TSPAN9: variants seen among roughly 807,000 people sequenced by gnomAD.
TSPAN9 encodes tetraspanin 9.
TSPAN9 carries 16 observed loss-of-function variants against 31.0 expected under a neutral mutation model. The observed-to-expected ratio is 0.52, with a 90% confidence interval of 0.35 to 0.78. The LOEUF is 0.78. TSPAN9 is among the 30% of genes least tolerant of loss of function. TSPAN9 has a pLI of 0.01. For synonymous variants in TSPAN9, 145 were observed against 121.6 expected, an observed-to-expected ratio of 1.19 and a Z score of -1.27; for missense variants, 272 against 312.5, an observed-to-expected ratio of 0.87 and a Z score of 0.98.
intron 2 of TSPAN9, among the ~76,000 whole-genome samples, chr12:3,157,457 A>G (rs1053092862): frequency 6.6e-6 from 1 of 152,172 alleles, no homozygotes; most frequent in Non-Finnish European, 1.5e-5. Context: ...TGTGGGTTCA[A>G]GCTTAGCCCT....
At chr12:3,233,195 C>G (rs2098391696) in intron 3 of TSPAN9, among the ~76,000 whole-genome samples, 1 of 152,024 alleles carries the variant, frequency 6.6e-6, no homozygotes, top group African/African-American at 2.4e-5. Context: ...TTGAAGCTAC[C>G]AAAGCTTGAA....
chr12:3,174,996 T>G (rs541848704), intron 2 of TSPAN9, among the ~76,000 whole-genome samples: 1 of 152,266 alleles, frequency 6.6e-6, no homozygotes, highest in Admixed American at 6.5e-5. Flanking sequence ...TTCTTCCTTA[T>G]TTTCTGAGGA....
intron 2 of TSPAN9, among the ~76,000 whole-genome samples, chr12:3,166,487 A>G (rs1004258225): frequency 6.6e-6 from 1 of 152,236 alleles, no homozygotes; most frequent in African/African-American, 2.4e-5. Context: ...ATACATATAG[A>G]TGATCAGTGA....
At chr12:3,116,148 ATGTCCC>A (rs2098322252) in intron 2 of TSPAN9, among the ~76,000 whole-genome samples, 1 of 152,208 alleles carries the variant, frequency 6.6e-6, no homozygotes. Context: ...CCTGCTAGTG[ATGTCCC>A]TGTTGCATTT....
intron 3 of TSPAN9, among the ~76,000 whole-genome samples, chr12:3,276,214 C>G (rs2153980552): frequency 6.6e-6 from 1 of 152,358 alleles, no homozygotes; most frequent in South Asian, 2.1e-4. Flanking sequence ...CCCAGTTGCT[C>G]TCCTGGCCTC....
At chr12:3,129,016 A>G (rs2098328596) in intron 2 of TSPAN9, among the ~76,000 whole-genome samples, 1 of 152,214 alleles carries the variant, frequency 6.6e-6, no homozygotes, top group African/African-American at 2.4e-5. Context: ...GGAATCATGC[A>G]ATATTGAACC....
At chr12:3,088,501 C>T (rs962778654) in intron 2 of TSPAN9, among the ~76,000 whole-genome samples, 10 of 152,104 alleles carry the variant, frequency 6.6e-5, no homozygotes, top group East Asian at 1.9e-4. Context: ...AGGCTGTGGC[C>T]GGCAGAGAGG....
rs899587621 is a variant in TSPAN9 at position 3,170,351 on chromosome 12, G to A, written c.-17-30826G>A. On this transcript the variant is annotated intron_variant, in intron 2 of 8. Transcript: ENST00000011898. The surrounding 1 kb of genome is among the most constrained non-coding windows in gnomAD (Gnocchi z 4.4). ...TTATACCTATAGCCCAAACTCCTGC[G>A]TTGGACACACCAATCTACGGCTAGC... 1.3e-5 allele frequency among the ~76,000 whole-genome samples: 2 copies of A among 152,092 alleles called. No individual in the cohort carries two copies. Among genetic ancestry groups the A allele is most frequent in the Non-Finnish European group, 2.9e-5 (2 of 68,032 alleles).
Position 3,168,213 on chromosome 12 carries a change from C to T in TSPAN9, c.-17-32964C>T, listed in dbSNP as rs2098349659. Among the ~76,000 whole-genome samples the T allele has an allele frequency of 6.6e-6, 1 of 152,208 alleles. No individual in the cohort carries two copies. Among genetic ancestry groups the T allele is most frequent in the African/African-American group, 2.4e-5 (1 of 41,450 alleles). ...GGCAGAGAATCATTCGCTCTTTTCT[C>T]TATCATGGGAAAAATCTTCATCCCT... On this transcript the variant is annotated intron_variant, in intron 2 of 8. Coordinates refer to ENST00000011898, the MANE Select transcript of TSPAN9 (RefSeq NM_006675.5). The surrounding 1 kb of genome is among the most constrained non-coding windows in gnomAD (Gnocchi z 4.0).
chr12:3,131,125 T>TG (rs1275907343), intron 2 of TSPAN9, among the ~76,000 whole-genome samples: 1 of 91,636 alleles, frequency 1.1e-5, no homozygotes, highest in Non-Finnish European at 2.6e-5. Context: ...TCTCCACTTT[T>TG]GGGGAAAAAA....
intron 3 of TSPAN9, among the ~76,000 whole-genome samples, chr12:3,244,747 G>GGTAATGGGGAGGGGAGA (rs1477815644): frequency 6.6e-6 from 1 of 152,136 alleles, no homozygotes; most frequent in Non-Finnish European, 1.5e-5. Context: ...AGGGTTTGTG[G>GGTAATGGGGAGGGGAGA]GGGCCAGAGC....
At chr12:3,155,761 C>T (rs146018559) in intron 2 of TSPAN9, among the ~76,000 whole-genome samples, 292 of 152,246 alleles carry the variant, frequency 1.9e-3, no homozygotes, top group African/African-American at 6.5e-3. Flanking sequence ...CTCCGTTTTC[C>T]CATCACGCAG....
At chr12:3,277,830 CCCAGCCAGCCGATGACTG>C (rs1862818024) in intron 3 of TSPAN9, among the ~76,000 whole-genome samples, 1 of 152,200 alleles carries the variant, frequency 6.6e-6, no homozygotes, top group South Asian at 2.1e-4. Flanking sequence ...TGGCCAGGCC[CCCAGCCAGCCGATGACTG>C]CCTCCTTTCT....
At chr12:3,252,055 G>A (rs937947123) in intron 3 of TSPAN9, among the ~76,000 whole-genome samples, 9 of 151,994 alleles carry the variant, frequency 5.9e-5, no homozygotes, top group African/African-American at 1.7e-4. Flanking sequence ...TTACTTTGTA[G>A]CTTCTAGCAC....
At chr12:3,199,183 C>T (rs544736530) in intron 2 of TSPAN9, among the ~76,000 whole-genome samples, 23 of 152,310 alleles carry the variant, frequency 1.5e-4, no homozygotes, top group African/African-American at 5.3e-4. Flanking sequence ...TCACACCCAC[C>T]GCCCCAGGTA....
rs1862982723 is a variant in TSPAN9, at chr12:3,284,824, C to A, written c.*1708C>A. On this transcript the variant is annotated 3_prime_UTR_variant, in exon 9 of 9. Transcript: ENST00000011898. The stretch of plus-strand genomic sequence containing the variant: ...TTTGTCTTGTCACCCTGGTTTCCCA[C>A]TGGGGCCAGGTCTCTTCTCCAGCCT... 6.6e-6 allele frequency: 1 copy of A among 152,328 alleles called. No individual in the cohort carries two copies. The highest frequency in any genetic ancestry group is 1.5e-5 in the Non-Finnish European group (1 of 68,108). The allele number at this position is 152,328 out of a possible 1,614,324, so 9.4% of individuals were successfully genotyped here.
chr12:3,125,224 T>A (rs35630203), intron 2 of TSPAN9, among the ~76,000 whole-genome samples: 2,905 of 151,342 alleles, frequency 0.019, 48 homozygotes, highest in Non-Finnish European at 0.03. Flanking sequence ...TTTTTTTTTT[T>A]ATGTTATGTA....
At chr12:3,272,444 C>T (rs1033973833) in intron 3 of TSPAN9, among the ~76,000 whole-genome samples, 1 of 151,348 alleles carries the variant, frequency 6.6e-6, no homozygotes, top group African/African-American at 2.4e-5. Flanking sequence ...CTGGGCCCTA[C>T]AATGGAAGAA....
intron 2 of TSPAN9, among the ~76,000 whole-genome samples, chr12:3,182,338 G>A (rs2098358918): frequency 6.6e-6 from 1 of 151,950 alleles, no homozygotes; most frequent in South Asian, 2.1e-4. Flanking sequence ...AGGTAGGAAG[G>A]CTGTTGCTGC....
Sources: allele counts gnomAD v4.1 joint callset (sites outside exome capture counted in the v4.1 genomes callset), GRCh38; gene constraint gnomAD v4.1.1; non-coding constraint Gnocchi (gnomAD v3.1); transcripts MANE v1.5; gene names NCBI Gene and HGNC (gene_info 2026-07-23, HGNC 2026-07-21).